LSM14A: variants seen among roughly 807,000 people sequenced by gnomAD.
The protein encoded by LSM14A is protein LSM14 homolog A.
LSM14A carries 14 observed loss-of-function variants against 52.4 expected under a neutral mutation model. The observed-to-expected ratio is 0.27, with a 90% confidence interval of 0.18 to 0.42. The LOEUF (loss-of-function observed/expected upper bound fraction) is 0.42. Ranked by LOEUF, LSM14A falls within the 10% of genes least tolerant of loss-of-function variation. The pLI is 1.00. For synonymous variants in LSM14A, 185 were observed against 200.3 expected, an observed-to-expected ratio of 0.92 and a Z score of 0.64; for missense variants, 417 against 581.8, an observed-to-expected ratio of 0.72 and a Z score of 2.91.
At chr19:34,203,296 A>G (rs1352346536) in intron 3 of LSM14A, among the ~76,000 whole-genome samples, 1 of 147,066 alleles carries the variant, frequency 6.8e-6, no homozygotes, top group East Asian at 1.9e-4. Context: ...CAGATGGAGG[A>G]GTATTGGCTG....
rs199997804 is a variant in LSM14A at position 34,196,691 on chromosome 19, G to A, written c.343G>A (p.Gly115Ser). 789 of 1,613,662 alleles carry A rather than the reference G, an allele frequency of 4.9e-4. 3 individuals are homozygous for A. The highest frequency in any genetic ancestry group is 4.2e-3 in the South Asian group (380 of 91,022). ...GTCCATGGGTTCTTATGGACCTTTC[G>A]GCAGGATGCCCACATACAGTCAGTT... ...FQSMGSYGPFGRMPTYSQFSP... is the reference protein window; with the variant it reads ...FQSMGSYGPFSRMPTYSQFSP... The change falls in exon 3 of 10, where the codon GGC (glycine) becomes AGC (serine). Residue 115 changes from glycine (G) to serine (S), a missense_variant. Physicochemically the swap from Gly to Ser is moderately conservative, Grantham distance 56 (BLOSUM62 0). This residue lies in a region of LSM14A where 357 missense variants were observed against 457.0 expected (regional missense o/e 0.78). Coordinates refer to ENST00000544216, the MANE Select transcript of LSM14A (RefSeq NM_015578.4).
intron 2 of LSM14A, chr19:34,195,400 A>G (rs903724241): frequency 2.0e-5 from 3 of 151,946 alleles, no homozygotes; most frequent in African/African-American, 4.8e-5. Context: ...CTGGTCTCAA[A>G]CTACTGACCT....
At chr19:34,173,292 G>T (rs925289398) in intron 1 of LSM14A, among the ~76,000 whole-genome samples, 1 of 152,156 alleles carries the variant, frequency 6.6e-6, no homozygotes. Context: ...CATCGATGCC[G>T]TGGAGCAGAT....
chr19:34,181,598 C>G (rs1357611066), intron 1 of LSM14A, among the ~76,000 whole-genome samples: 2 of 151,946 alleles, frequency 1.3e-5, no homozygotes, highest in East Asian at 3.9e-4. Context: ...CATTTTTTTC[C>G]TCATATCTCA....
chr19:34,207,765 G>A (rs575207449), intron 3 of LSM14A, among the ~76,000 whole-genome samples: 3 of 152,228 alleles, frequency 2.0e-5, no homozygotes, highest in East Asian at 3.9e-4. Flanking sequence ...TCCTGATCTC[G>A]TGATCTGCCC....
At chr19:34,222,793 T>G (rs1340394608) in intron 9 of LSM14A, among the ~76,000 whole-genome samples, 1 of 152,202 alleles carries the variant, frequency 6.6e-6, no homozygotes, top group East Asian at 1.9e-4. Context: ...CTTATGTAGT[T>G]GCGGGACTTC....
Position 34,196,708 on chromosome 19 carries a change from C to T in LSM14A, c.360C>T (p.Tyr120=), listed in dbSNP as rs748183645. 1.2e-6 allele frequency: 2 copies of T among 1,613,572 alleles called. No homozygotes were observed. The highest frequency in any genetic ancestry group is 1.1e-5 in the South Asian group (1 of 90,966). ...GACCTTTCGGCAGGATGCCCACATACAGTCAGTTCAGTCCGAGTTCCTTAG... is the reference window on the plus strand; with the variant it reads ...GACCTTTCGGCAGGATGCCCACATATAGTCAGTTCAGTCCGAGTTCCTTAG... The part of the protein sequence containing the change: ...SYGPFGRMPT[Y]SQFSPSSLVG... The change falls in exon 3 of 10, where the codon TAC becomes TAT. Residue 120 remains tyrosine, a synonymous_variant. Coordinates refer to ENST00000544216, the MANE Select transcript of LSM14A (RefSeq NM_015578.4).
At chr19:34,175,749 G>C (rs1599651943) in intron 1 of LSM14A, among the ~76,000 whole-genome samples, 2 of 152,166 alleles carry the variant, frequency 1.3e-5, no homozygotes, top group East Asian at 1.9e-4. Flanking sequence ...TACATGACTT[G>C]TTGAGTAATT....
At chr19:34,211,387 T>C (rs2072138292) in intron 4 of LSM14A, among the ~76,000 whole-genome samples, 1 of 151,946 alleles carries the variant, frequency 6.6e-6, no homozygotes, top group Non-Finnish European at 1.5e-5. Flanking sequence ...AAAATAGAAA[T>C]TGTATACAAA....
chr19:34,181,336 C>A (rs1242975883), intron 1 of LSM14A, among the ~76,000 whole-genome samples: 1 of 152,164 alleles, frequency 6.6e-6, no homozygotes, highest in Admixed American at 6.5e-5. Context: ...ATGATTACCC[C>A]ATTTCTATCC....
At chr19:34,203,150 A>C (rs2071423002) in intron 3 of LSM14A, among the ~76,000 whole-genome samples, 1 of 148,250 alleles carries the variant, frequency 6.7e-6, no homozygotes, top group African/African-American at 2.4e-5. Context: ...TCATAGAAAC[A>C]GTGAAAGGTA....
Position 34,192,316 on chromosome 19 carries a change from G to GTTTTTTTTT in LSM14A, c.122-2160_122-2159insTTTTTTTTT, listed in dbSNP as rs1306000214. ...TTTACACTGAAATAACATTCTTTTTGTTGTTTTTTTTTTTTTTTTTTTTTT... is the reference window on the plus strand; with the variant it reads ...TTTACACTGAAATAACATTCTTTTTGTTTTTTTTTTTGTTTTTTTTTTTTTTTTTTTTTT... On this transcript the variant is annotated intron_variant, in intron 1 of 9. Coordinates refer to ENST00000544216, the MANE Select transcript of LSM14A (RefSeq NM_015578.4). Among the ~76,000 whole-genome samples, 138 of 65,750 alleles carry GTTTTTTTTT rather than the reference G, an allele frequency of 2.1e-3. 8 individuals are homozygous for GTTTTTTTTT. Among genetic ancestry groups the GTTTTTTTTT allele is most frequent in the Middle Eastern group, 8.5e-3 (1 of 118 alleles). The allele number at this position is 65,750 out of a possible 152,430, so 43.1% of individuals were successfully genotyped here.
At chr19:34,211,277 G>A (rs747518168) in intron 4 of LSM14A, among the ~76,000 whole-genome samples, 25 of 151,204 alleles carry the variant, frequency 1.7e-4, no homozygotes, top group African/African-American at 4.1e-4. Context: ...CAGCTTGGGC[G>A]ACAGAGCGAG....
chr19:34,186,171 TCTTTAAATTCTAGAAGG>T (rs1342337671), intron 1 of LSM14A, among the ~76,000 whole-genome samples: 2 of 152,222 alleles, frequency 1.3e-5, no homozygotes, highest in East Asian at 3.8e-4. Context: ...TTTCTCCAGA[TCTTTAAATTCTAGAAGG>T]GTAGTATAGA....
intron 1 of LSM14A, among the ~76,000 whole-genome samples, 195 bp from the exon 2 acceptor site, chr19:34,194,283 T>C (rs1483280869): frequency 2.0e-5 from 3 of 152,240 alleles, no homozygotes; most frequent in African/African-American, 7.2e-5. Flanking sequence ...TCTTTTATAT[T>C]GCATATATTT....
chr19:34,199,030 G>A (rs985682104), intron 3 of LSM14A, among the ~76,000 whole-genome samples: 4 of 151,976 alleles, frequency 2.6e-5, no homozygotes, highest in African/African-American at 9.7e-5. Flanking sequence ...AAATAATTCA[G>A]GTAACTTTTA....
chr19:34,174,699 G>A (rs939435446), intron 1 of LSM14A, among the ~76,000 whole-genome samples: 57 of 151,908 alleles, frequency 3.8e-4, no homozygotes, highest in African/African-American at 1.4e-3. Flanking sequence ...TGTTTTTCTG[G>A]CTTTTTGAAA....
intron 8 of LSM14A, 108 bp downstream of exon 8, chr19:34,219,985 GT>G (rs2072942795): frequency 3.7e-6 from 3 of 820,228 alleles, no homozygotes; most frequent in African/African-American, 3.4e-5. Context: ...GTTTTGTTTT[GT>G]TTTGAGACAG....
At position 34,229,071 on chromosome 19, in the gene LSM14A, TG is replaced by T. The variant is rs2073473388; in HGVS notation, c.*1685del. The T allele has an allele frequency of 6.6e-6, 1 of 152,162 alleles. No individual in the cohort carries two copies. Among genetic ancestry groups the T allele is most frequent in the Admixed American group, 6.5e-5 (1 of 15,274 alleles). 9.4% of individuals were successfully genotyped at this position (152,162 alleles called of 1,614,324 possible). The stretch of plus-strand genomic sequence containing the variant: ...CCATGGCAATACATGTGTAGACTGT[TG>T]GAGATGTCCCGGGCCAATTTCAAGA... On this transcript the variant is annotated 3_prime_UTR_variant, in exon 10 of 10. Transcript: ENST00000544216.
Sources: allele counts gnomAD v4.1 joint callset (sites outside exome capture counted in the v4.1 genomes callset), GRCh38; gene constraint gnomAD v4.1.1; regional missense constraint gnomAD v4.1.1; transcripts MANE v1.5; gene names NCBI Gene and HGNC (gene_info 2026-07-23, HGNC 2026-07-21).